Variants in FCHSD2 observed in about 807,000 individuals in gnomAD.
The protein encoded by FCHSD2 is F-BAR and double SH3 domains protein 2.
Under a neutral mutation model 108.1 loss-of-function variants are expected in FCHSD2, and 38 were observed. That is an observed-to-expected ratio of 0.35 (90% CI 0.27 to 0.46). FCHSD2 has a LOEUF of 0.46. Ranked by LOEUF, FCHSD2 falls within the 20% of genes least tolerant of loss-of-function variation. The pLI, the probability that FCHSD2 is intolerant of heterozygous loss-of-function variation, is 1.00. For synonymous variants in FCHSD2, 279 were observed against 314.7 expected, an observed-to-expected ratio of 0.89 and a Z score of 1.20; for missense variants, 751 against 897.8, an observed-to-expected ratio of 0.84 and a Z score of 2.09.
At chr11:72,892,557 A>G (rs552164773) in intron 10 of FCHSD2, among the ~76,000 whole-genome samples, 1 of 152,322 alleles carries the variant, frequency 6.6e-6, no homozygotes, top group East Asian at 1.9e-4. Flanking sequence ...AAAGATCAAT[A>G]TAAATCAGGA....
chr11:73,012,211 C>T (rs1267597727), intron 4 of FCHSD2, among the ~76,000 whole-genome samples: 4 of 152,146 alleles, frequency 2.6e-5, no homozygotes, highest in Admixed American at 2.6e-4. Context: ...GGGACCAGAA[C>T]ATACTGACAT....
chr11:73,004,325 A>G (rs1016756941), intron 4 of FCHSD2, among the ~76,000 whole-genome samples: 2 of 152,170 alleles, frequency 1.3e-5, no homozygotes, highest in Non-Finnish European at 2.9e-5. Context: ...ACTCACCAGG[A>G]AATAGCACCT....
At chr11:73,035,144 T>C (rs1469399747) in intron 3 of FCHSD2, among the ~76,000 whole-genome samples, 1 of 147,338 alleles carries the variant, frequency 6.8e-6, no homozygotes, top group Non-Finnish European at 1.5e-5. Flanking sequence ...TTTTTAGTTT[T>C]TATTTTTATG....
chr11:73,035,607 C>T (rs1053796347), intron 3 of FCHSD2, among the ~76,000 whole-genome samples: 6 of 151,972 alleles, frequency 3.9e-5, no homozygotes, highest in Non-Finnish European at 8.8e-5. Flanking sequence ...GTGCTTAATA[C>T]CTTCATCTAT....
chr11:72,928,534 A>AT (rs1446238954), intron 8 of FCHSD2, among the ~76,000 whole-genome samples: 1 of 152,166 alleles, frequency 6.6e-6, no homozygotes, highest in African/African-American at 2.4e-5. Flanking sequence ...TGGTTAACAC[A>AT]GGCAACTGAC....
intron 2 of FCHSD2, among the ~76,000 whole-genome samples, chr11:73,094,295 G>A (rs896087849): frequency 1.3e-5 from 2 of 152,126 alleles, no homozygotes; most frequent in Admixed American, 6.5e-5. Flanking sequence ...GAGGATAAAG[G>A]GCAATGGAAC....
intron 12 of FCHSD2, among the ~76,000 whole-genome samples, chr11:72,884,881 C>A (rs1422758977): frequency 2.6e-5 from 4 of 152,136 alleles, no homozygotes; most frequent in Admixed American, 6.6e-5. Context: ...AGGCATGAAC[C>A]ACTGCACCTG....
chr11:72,912,032 A>C (rs931353606), intron 9 of FCHSD2, among the ~76,000 whole-genome samples: 1 of 152,230 alleles, frequency 6.6e-6, no homozygotes, highest in Non-Finnish European at 1.5e-5. Flanking sequence ...GGTGTTTATC[A>C]GTTTGAATAT....
chr11:72,882,366 A>G (rs1855108487), intron 12 of FCHSD2, among the ~76,000 whole-genome samples: 1 of 152,188 alleles, frequency 6.6e-6, no homozygotes, highest in African/African-American at 2.4e-5. Flanking sequence ...TCAAAAAAAA[A>G]AAAGTACAGA....
chr11:72,889,080 G>A (rs184727292), intron 11 of FCHSD2, among the ~76,000 whole-genome samples: 1,843 of 151,948 alleles, frequency 0.012, 38 homozygotes, highest in African/African-American at 0.041. Context: ...TCAACCTCCC[G>A]AGTAGCTGGG....
At chr11:72,908,135 T>C (rs954382396) in intron 9 of FCHSD2, among the ~76,000 whole-genome samples, 3 of 152,240 alleles carry the variant, frequency 2.0e-5, no homozygotes, top group African/African-American at 4.8e-5. Context: ...ATGTGAAATT[T>C]GTCTTTCTGT....
intron 2 of FCHSD2, among the ~76,000 whole-genome samples, chr11:73,115,306 T>A (rs1024045709): frequency 6.6e-6 from 1 of 151,986 alleles, no homozygotes; most frequent in South Asian, 2.1e-4. Flanking sequence ...GGAAGAGGGG[T>A]GGCGTTGGCA....
intron 14 of FCHSD2, chr11:72,843,823 C>G: frequency 3.5e-6 from 1 of 283,094 alleles, no homozygotes; most frequent in Non-Finnish European, 6.5e-6. Context: ...CCATCTCTAC[C>G]AATAAATAAA....
chr11:73,068,834 A>G (rs1221413027), intron 3 of FCHSD2, among the ~76,000 whole-genome samples: 1 of 144,850 alleles, frequency 6.9e-6, no homozygotes, highest in South Asian at 2.2e-4. Context: ...AAAAAAAAAG[A>G]AAAAGAAAAA....
chr11:73,080,487 T>C (rs1472097218), intron 3 of FCHSD2, among the ~76,000 whole-genome samples: 1 of 152,038 alleles, frequency 6.6e-6, no homozygotes, highest in African/African-American at 2.4e-5. Context: ...AGTTTAAATA[T>C]ATCATTTAGA....
At chr11:72,992,292 G>A (rs1358140180) in intron 5 of FCHSD2, among the ~76,000 whole-genome samples, 1 of 152,190 alleles carries the variant, frequency 6.6e-6, no homozygotes. Flanking sequence ...AACATTCCAT[G>A]CTCATGGGTA....
intron 2 of FCHSD2, among the ~76,000 whole-genome samples, chr11:73,138,436 C>T (rs1425791695): frequency 1.3e-5 from 2 of 151,958 alleles, no homozygotes; most frequent in South Asian, 2.1e-4. Context: ...CAACTACTGA[C>T]CACCCATACC....
intron 3 of FCHSD2, among the ~76,000 whole-genome samples, chr11:73,021,359 A>G (rs1401838605): frequency 1.3e-5 from 2 of 152,194 alleles, no homozygotes; most frequent in Non-Finnish European, 2.9e-5. Context: ...TGTATACACC[A>G]TGGAATACTA....
intron 8 of FCHSD2, among the ~76,000 whole-genome samples, chr11:72,923,632 C>T (rs1856016941): frequency 1.3e-5 from 2 of 152,084 alleles, no homozygotes; most frequent in Non-Finnish European, 2.9e-5. Context: ...TACTCAAGTC[C>T]TTAACTCATT....
Sources: gnomAD v4.1 joint callset for allele counts (sites outside exome capture counted in the v4.1 genomes callset) on GRCh38, gnomAD v4.1.1 for gene constraint, MANE v1.5 for transcripts, NCBI Gene and HGNC (gene_info 2026-07-23, HGNC 2026-07-21) for gene names.